Variants in EVPL observed in about 807,000 individuals in gnomAD.
The protein encoded by EVPL is envoplakin.
Under a neutral mutation model 129.7 loss-of-function variants are expected in EVPL, and 94 were observed. The observed-to-expected ratio is 0.72, with a 90% CI of 0.61 to 0.86. The LOEUF is 0.86. EVPL is among the 40% of genes least tolerant of loss of function. The pLI, the probability that EVPL is intolerant of heterozygous loss-of-function variation, is 0.00. For missense variants in EVPL, 2,625 were observed against 2,721.1 expected (o/e 0.96, Z 0.79); for synonymous variants, 1,172 against 1,191.1 (o/e 0.98, Z 0.33).
At position 76,014,998 on chromosome 17, in the gene EVPL, A is replaced by G. The variant is rs1260179035; in HGVS notation, c.2140T>C (p.Cys714Arg). Residue 714 changes from cysteine to arginine, a missense_variant, in exon 17 of 22, where the codon TGC (cysteine) becomes CGC (arginine). Transcript: ENST00000301607. The stretch of plus-strand genomic sequence containing the variant: ...CGCTGCTGGCGAGGCAGGTCTTGGC[A>G]GAACTCCTGGAAGTTGTTCTGCAGG... ...AALQNNFQEF[C>R]QDLPRQQRQV... 1 of 1,596,926 alleles carries G rather than the reference A, an allele frequency of 6.3e-7. No homozygotes were observed. Among genetic ancestry groups the G allele is most frequent in the Admixed American group, 1.7e-5 (1 of 59,944 alleles).
rs2066395989 is a variant in EVPL, at chr17:76,013,735, C to T, written c.2373+691G>A. Among the ~76,000 whole-genome samples, 2 of 152,208 alleles carry T rather than the reference C, an allele frequency of 1.3e-5. No homozygotes were observed. Among genetic ancestry groups the T allele is most frequent in the African/African-American group, 4.8e-5 (2 of 41,444 alleles). ...CTCCGCTGGATTTCCACCCTGGCTC[C>T]TCGTGGGCCTCCGTGTCTTCATTCC... On this transcript the variant is annotated intron_variant, in intron 18 of 21. Coordinates refer to ENST00000301607, the MANE Select transcript of EVPL (RefSeq NM_001988.4). The surrounding 1 kb of genome is among the most constrained non-coding windows in gnomAD (Gnocchi z 4.3).
At position 76,009,400 on chromosome 17, in the gene EVPL, C is replaced by T. The variant is rs757720157; in HGVS notation, c.3805G>A (p.Glu1269Lys). 6.2e-7 allele frequency: 1 copy of T among 1,614,104 alleles called. No homozygotes were observed. The highest frequency in any genetic ancestry group is 8.5e-7 in the Non-Finnish European group (1 of 1,180,018). Residue 1269 changes from glutamate (E) to lysine (K), a missense_variant, in exon 22 of 22, where the codon GAG becomes AAG. Transcript: ENST00000301607. This position sits in a 1 kb window ranked among gnomAD's most constrained non-coding sequence, Gnocchi z 5.9. ...AGCTGAGCCTTCAGGCGGTCGATCT[C>T]ACGCAGCACCTCGGGGCTCCTCTCA... The part of the protein sequence containing the change: ...RHERSPEVLR[E>K]IDRLKAQLNE...
intron 17 of EVPL, 68 bp from the exon 18 acceptor site, chr17:76,014,644 G>A (rs972916254): frequency 3.8e-6 from 6 of 1,565,892 alleles, no homozygotes; most frequent in East Asian, 2.3e-5. Context: ...GGTGCACAGG[G>A]AGGCTGATGG....
In EVPL at chr17:76,008,289, G is replaced by A. The variant is rs763075711; in HGVS notation, c.4916C>T (p.Ser1639Leu). The A allele has an allele frequency of 3.7e-5, 59 of 1,610,856 alleles. No homozygotes were observed. The highest frequency in any genetic ancestry group is 4.8e-5 in the Non-Finnish European group (57 of 1,179,964). Residue 1639 changes from serine (S) to leucine (L), a missense_variant, in exon 22 of 22, where the codon TCG (serine) becomes TTG (leucine). Coordinates refer to ENST00000301607, the MANE Select transcript of EVPL (RefSeq NM_001988.4). This position sits in a 1 kb window ranked among gnomAD's most constrained non-coding sequence, Gnocchi z 7.4. Reference sequence around the variant, plus strand: ...GCGGAGGATGGCCGCCTCCAGCCGCGAGAGCTCCTGGCCCCGCTGGGCCGC... The same window carrying A: ...GCGGAGGATGGCCGCCTCCAGCCGCAAGAGCTCCTGGCCCCGCTGGGCCGC... ...QKAAQRGQEL[S>L]RLEAAILREK...
Position 76,015,458 on chromosome 17 carries a change from G to C in EVPL, c.1881C>G (p.Tyr627Ter). 6.2e-7 allele frequency: 1 copy of C among 1,612,776 alleles called. No homozygotes were observed. The highest frequency in any genetic ancestry group is 8.5e-7 in the Non-Finnish European group (1 of 1,179,666). The part of the protein sequence containing the change: ...FSDVQVLCSL[Y>*]GEKAKAALDL... ...GTCCCCAGAGCACTCACTTCTCCCC[G>C]TAGAGGCTGCACAGAACCTGCACGT... Residue 627 changes from tyrosine (Y) to a stop codon, truncating the protein, a stop_gained, in exon 15 of 22, where the codon TAC (tyrosine) becomes TAG (stop). Coordinates refer to ENST00000301607, the MANE Select transcript of EVPL (RefSeq NM_001988.4). LOFTEE classifies it high-confidence loss of function.
chr17:76,012,265 T>G, intron 18 of EVPL, 176 bp from the exon 19 acceptor site: 1 of 565,038 alleles, frequency 1.8e-6, no homozygotes, highest in Admixed American at 3.1e-5. Flanking sequence ...CTCTCTGCTT[T>G]TCCTCCTTCC....
rs540087731 is a variant in EVPL, at chr17:76,008,080, C to T, written c.5125G>A (p.Asp1709Asn). The T allele has an allele frequency of 7.4e-6, 12 of 1,614,074 alleles. No individual in the cohort carries two copies. The highest frequency in any genetic ancestry group is 6.7e-5 in the East Asian group (3 of 44,870). ...PYEAYKRGIIDRGQYLQLQEL... is the reference protein window; with the variant it reads ...PYEAYKRGIINRGQYLQLQEL... The stretch of plus-strand genomic sequence containing the variant: ...TGCAGCTGCAAGTACTGGCCCCTGT[C>T]GATGATGCCCCTCTTGTAGGCCTCG... Residue 1709 changes from aspartate (D) to asparagine (N), a missense_variant, in exon 22 of 22, where the codon GAC becomes AAC. By Grantham distance (23) the Asp-to-Asn change is conservative. Around this residue, in one of 4 missense-constraint regions of EVPL, gnomAD observed 1,453 missense variants for 1,511.8 expected, o/e 0.96. Transcript: ENST00000301607. The surrounding 1 kb of genome is among the most constrained non-coding windows in gnomAD (Gnocchi z 7.4).
chr17:76,022,268 G>T lies in EVPL; in HGVS notation c.607-41C>A. 1.9e-6 allele frequency: 3 copies of T among 1,610,796 alleles called. No homozygotes were observed. The highest frequency in any genetic ancestry group is 2.5e-6 in the Non-Finnish European group (3 of 1,179,016). ...GGAGAAACAAGCCCGTGAGAGGTGGGGTGCAGGGAGACGGCCCCCTAAGAT... is the reference window on the plus strand; with the variant it reads ...GGAGAAACAAGCCCGTGAGAGGTGGTGTGCAGGGAGACGGCCCCCTAAGAT... On this transcript the variant is annotated intron_variant, in intron 5 of 21. Coordinates refer to ENST00000301607, the MANE Select transcript of EVPL (RefSeq NM_001988.4). This position sits in a 1 kb window ranked among gnomAD's most constrained non-coding sequence, Gnocchi z 5.6.
rs1472188791 is a variant in EVPL at position 76,013,647 on chromosome 17, A to T, written c.2373+779T>A. Reference sequence around the variant, plus strand: ...AAGTCCACCTAATTCTGCCATCTCCATCTCAGATCTGCCCACCTCGCCCTG... The same window carrying T: ...AAGTCCACCTAATTCTGCCATCTCCTTCTCAGATCTGCCCACCTCGCCCTG... On this transcript the variant is annotated intron_variant, in intron 18 of 21. Transcript: ENST00000301607. The surrounding 1 kb of genome is among the most constrained non-coding windows in gnomAD (Gnocchi z 4.3). Among the ~76,000 whole-genome samples, 2 of 151,754 alleles carry T rather than the reference A, an allele frequency of 1.3e-5. No individual in the cohort carries two copies. The highest frequency in any genetic ancestry group is 2.9e-5 in the Non-Finnish European group (2 of 67,950).
At position 76,022,121 on chromosome 17, in the gene EVPL, C is replaced by T. The variant is rs1007844997; in HGVS notation, c.645+68G>A. ...GGGCCGCGCTCAGGAACACTGGCCC[C>T]GGGCAGGGTCCGGGCGGCCACCCAG... On this transcript the variant is annotated intron_variant, in intron 6 of 21. Coordinates refer to ENST00000301607, the MANE Select transcript of EVPL (RefSeq NM_001988.4). This position sits in a 1 kb window ranked among gnomAD's most constrained non-coding sequence, Gnocchi z 5.6. 4 of 1,596,458 alleles carry T rather than the reference C, an allele frequency of 2.5e-6. No homozygotes were observed. The highest frequency in any genetic ancestry group is 1.1e-5 in the South Asian group (1 of 89,526).
At chr17:76,017,428 C>T (rs1030876190) in intron 14 of EVPL, among the ~76,000 whole-genome samples, 3 of 152,160 alleles carry the variant, frequency 2.0e-5, no homozygotes, top group Admixed American at 2.0e-4. Context: ...GGAGCTTCAC[C>T]AGAATACCTC....
In EVPL at chr17:76,017,802, C is replaced by T. The variant is rs114928739; in HGVS notation, c.1647G>A (p.Ala549=). ...GQIERQVLAW[A]RAPLSRPTPL... is the part of the protein sequence containing the mutation. ...GTGTGGGGCGGCTCAGCGGGGCCCG[C>T]GCCCAGGCCAGCACCTGCCTCTCTA... Residue 549 remains alanine (A), a synonymous_variant, in exon 14 of 22, where the codon GCG becomes GCA. Coordinates refer to ENST00000301607, the MANE Select transcript of EVPL (RefSeq NM_001988.4). The T allele has an allele frequency of 1.2e-3, 1,915 of 1,613,358 alleles. 30 individuals carry two copies. The African/African-American group carries it at 0.021, about 18-fold the overall frequency.
At chr17:76,018,010 T>C in intron 13 of EVPL, 99 bp from the exon 14 acceptor site, 1 of 1,560,616 alleles carries the variant, frequency 6.4e-7, no homozygotes, top group Non-Finnish European at 8.7e-7. Context: ...CGGGGTAGGG[T>C]GGAGGGGATG....
At position 76,021,714 on chromosome 17, in the gene EVPL, C is replaced by A; in HGVS notation, c.875G>T (p.Arg292Leu). The A allele has an allele frequency of 2.5e-6, 4 of 1,610,232 alleles. No homozygotes were observed. The highest frequency in any genetic ancestry group is 3.4e-6 in the Non-Finnish European group (4 of 1,179,416). Residue 292 changes from arginine (R) to leucine (L), a missense_variant, in exon 8 of 22, where the codon CGC (arginine) becomes CTC (leucine). By Grantham distance (102) the Arg-to-Leu change is moderately radical. Around this residue, in one of 4 missense-constraint regions of EVPL, gnomAD observed 1,024 missense variants for 997.5 expected, o/e 1.03. Transcript: ENST00000301607. ...CGCGGGGTGCCGCAGCTCCACCATGCGCTCGCCGTCGTCCTCCAGCTGGTT... is the reference window on the plus strand; with the variant it reads ...CGCGGGGTGCCGCAGCTCCACCATGAGCTCGCCGTCGTCCTCCAGCTGGTT... The part of the protein sequence containing the change: ...SVNQLEDDGE[R>L]MVELRHPAVG...
chr17:76,011,606 C>A lies in EVPL; in HGVS notation c.2631G>T (p.Gln877His). 1 of 1,614,180 alleles carries A rather than the reference C, an allele frequency of 6.2e-7. No individual in the cohort carries two copies. The highest frequency in any genetic ancestry group is 8.5e-7 in the Non-Finnish European group (1 of 1,180,020). ...VAAAQQQLLQ[Q>H]LEFARKMLEK... ...CCAGCATTTTTCTAGCAAACTCCAGCTGCTGGAGCAGCTGCTGCTGTGCTG... is the reference window on the plus strand; with the variant it reads ...CCAGCATTTTTCTAGCAAACTCCAGATGCTGGAGCAGCTGCTGCTGTGCTG... Residue 877 changes from glutamine (Q) to histidine (H), a missense_variant, in exon 21 of 22, where the codon CAG becomes CAT. Transcript: ENST00000301607.
Position 76,009,094 on chromosome 17 carries a change from C to A in EVPL, c.4111G>T (p.Val1371Leu). The A allele has an allele frequency of 1.2e-6, 2 of 1,613,360 alleles. No individual in the cohort carries two copies. The highest frequency in any genetic ancestry group is 1.7e-6 in the Non-Finnish European group (2 of 1,179,534). Residue 1371 changes from valine (V) to leucine (L), a missense_variant, in exon 22 of 22, where the codon GTG becomes TTG. Physicochemically the swap from Val to Leu is conservative, Grantham distance 32. This residue lies in a region of EVPL where 1,453 missense variants were observed against 1,511.8 expected (regional missense o/e 0.96). Coordinates refer to ENST00000301607, the MANE Select transcript of EVPL (RefSeq NM_001988.4). The surrounding 1 kb of genome is among the most constrained non-coding windows in gnomAD (Gnocchi z 5.9). ...LERRKPEEKV[V>L]VQEVVVTQKD... is the part of the protein sequence containing the mutation. The stretch of plus-strand genomic sequence containing the variant: ...TGGGTGACCACCACCTCCTGCACCA[C>A]CACCTTCTCCTCGGGCTTCCTCCTC...
At chr17:76,017,256 G>A (rs961012924) in intron 14 of EVPL, among the ~76,000 whole-genome samples, 36 of 152,126 alleles carry the variant, frequency 2.4e-4, no homozygotes, top group Admixed American at 6.5e-5. Flanking sequence ...CCCAGACTGC[G>A]GCCCGGTGTG....
Position 76,009,175 on chromosome 17 carries a change from T to A in EVPL, c.4030A>T (p.Arg1344Trp). The stretch of plus-strand genomic sequence containing the variant: ...TACACCGCGTCCTCCGCGGCCCGCC[T>A]CTTCTGGGCCGCCTCCCGCACCTCC... Reference protein sequence around the residue: ...RQEVREAAQKRRAAEDAVYEL... With the variant: ...RQEVREAAQKWRAAEDAVYEL... The change falls in exon 22 of 22, where the codon AGG becomes TGG. Residue 1344 changes from arginine to tryptophan, a missense_variant. This residue lies in a region of EVPL where 1,453 missense variants were observed against 1,511.8 expected (regional missense o/e 0.96). Coordinates refer to ENST00000301607, the MANE Select transcript of EVPL (RefSeq NM_001988.4). This position sits in a 1 kb window ranked among gnomAD's most constrained non-coding sequence, Gnocchi z 5.9. The A allele has an allele frequency of 6.2e-7, 1 of 1,611,394 alleles. No homozygotes were observed. The highest frequency in any genetic ancestry group is 8.5e-7 in the Non-Finnish European group (1 of 1,179,854).
Position 76,019,542 on chromosome 17 carries a change from G to A in EVPL, c.1123C>T (p.Leu375=). ...GGPPGAPTEL[L]QQLEAEEKRL... is the part of the protein sequence containing the mutation. Reference sequence around the variant, plus strand: ...GGTTGTCTCACCTCCAGCTGTTGCAGCAGCTCTGTGGGGGCGCCAGGGGGG... The same window carrying A: ...GGTTGTCTCACCTCCAGCTGTTGCAACAGCTCTGTGGGGGCGCCAGGGGGG... Residue 375 remains leucine (L), a synonymous_variant, in exon 10 of 22, where the codon CTG becomes TTG. Coordinates refer to ENST00000301607, the MANE Select transcript of EVPL (RefSeq NM_001988.4). 1.3e-6 allele frequency: 2 copies of A among 1,561,666 alleles called. No homozygotes were observed. Among genetic ancestry groups the A allele is most frequent in the Admixed American group, 2.1e-5 (1 of 48,360 alleles).
Sources: gnomAD v4.1 joint callset for allele counts (sites outside exome capture counted in the v4.1 genomes callset) on GRCh38, gnomAD v4.1.1 for gene constraint, gnomAD v4.1.1 regional missense constraint, Gnocchi (gnomAD v3.1) non-coding constraint, MANE v1.5 for transcripts, NCBI Gene and HGNC (gene_info 2026-07-23, HGNC 2026-07-21) for gene names.